RIMS2: variants seen among roughly 807,000 people sequenced by gnomAD.
RIMS2 encodes regulating synaptic membrane exocytosis 2, also known as regulating synaptic membrane exocytosis protein 2.
RIMS2 carries 59 observed loss-of-function variants against 174.4 expected under a neutral mutation model. The observed-to-expected ratio is 0.34, with a 90% CI of 0.27 to 0.42. The LOEUF (loss-of-function observed/expected upper bound fraction) is 0.42, where lower values mean the gene tolerates loss of function less well. Ranked by LOEUF, RIMS2 falls within the 10% of genes least tolerant of loss-of-function variation. The probability of loss-of-function intolerance (pLI) is 1.00; values close to 1 mark genes in which losing one functional copy is unlikely to be tolerated. For synonymous variants in RIMS2, 606 were observed against 572.5 expected, an observed-to-expected ratio of 1.06 and a Z score of -0.84; for missense variants, 1,620 against 1,666.3, an observed-to-expected ratio of 0.97 and a Z score of 0.48.
chr8:103,816,420 A>G lies in RIMS2; in HGVS notation c.698+49883A>G, dbSNP rs186606374. ...ATGAACCGCCTACCCTGTACTAGGC[A>G]CTATGCTAGATGAATGAGACAAGAA... On this transcript the variant is annotated intron_variant, in intron 3 of 23. Transcript: ENST00000504942. Among the ~76,000 whole-genome samples the G allele has an allele frequency of 2.8e-3, 430 of 152,354 alleles. 2 individuals are homozygous for G. Among genetic ancestry groups the G allele is most frequent in the Non-Finnish European group, 4.7e-3 (319 of 68,028 alleles).
chr8:104,018,990 T>A (rs1296334300), intron 19 of RIMS2, among the ~76,000 whole-genome samples: 1 of 152,086 alleles, frequency 6.6e-6, no homozygotes, highest in Non-Finnish European at 1.5e-5. Flanking sequence ...ATTTTAAAAC[T>A]TAAAAGATCC....
Position 103,606,346 on chromosome 8 carries a change from T to C in RIMS2, c.177-90740T>C, listed in dbSNP as rs2095080202. On this transcript the variant is annotated intron_variant, in intron 1 of 23. Transcript: ENST00000504942. ...TTCTTAATCCTGAGTTCTAGTTTGA[T>C]TGCACTGTGGTCTGAGAGATAGTTT... 4.6e-5 allele frequency among the ~76,000 whole-genome samples: 7 copies of C among 151,646 alleles called. No individual in the cohort carries two copies. In the South Asian group the frequency reaches 1.5e-3, roughly 32 times the overall value.
intron 1 of RIMS2, among the ~76,000 whole-genome samples, chr8:103,504,955 G>A (rs1273057694): frequency 6.7e-6 from 1 of 149,320 alleles, no homozygotes. Flanking sequence ...GGGCTCAAGC[G>A]ATTCTCTCAC....
At chr8:103,538,195 C>T (rs1840734140) in intron 1 of RIMS2, among the ~76,000 whole-genome samples, 1 of 152,152 alleles carries the variant, frequency 6.6e-6, no homozygotes, top group African/African-American at 2.4e-5. Context: ...ATACAAAGCC[C>T]TGTTGCTTCT....
intron 3 of RIMS2, among the ~76,000 whole-genome samples, chr8:103,834,332 C>CTTTTTTTTTTTTTTTTTT (rs397892077): frequency 8.4e-6 from 1 of 119,284 alleles, no homozygotes; most frequent in Non-Finnish European, 1.7e-5. Context: ...TTTTCTTTTT[C>CTTTTTTTTTTTTTTTTTT]TTTTTTTTTT....
intron 15 of RIMS2, among the ~76,000 whole-genome samples, chr8:103,974,276 GT>G (rs993736805): frequency 6.6e-6 from 1 of 152,112 alleles, no homozygotes; most frequent in African/African-American, 2.4e-5. Flanking sequence ...ATGAACAGTT[GT>G]TTTTCTGAGT....
chr8:103,865,288 T>TTC (rs2099079424), intron 3 of RIMS2, among the ~76,000 whole-genome samples: 1 of 144,686 alleles, frequency 6.9e-6, no homozygotes, highest in South Asian at 2.2e-4. Context: ...TTTTTTCTTT[T>TTC]TTTTTTTTTT....
intron 1 of RIMS2, among the ~76,000 whole-genome samples, chr8:103,542,188 A>G (rs948609831): frequency 1.3e-5 from 2 of 152,144 alleles, no homozygotes; most frequent in Non-Finnish European, 2.9e-5. Flanking sequence ...AACACAAAAG[A>G]TCATAAAAGT....
At chr8:103,865,284 C>CTTTT (rs67300843) in intron 3 of RIMS2, among the ~76,000 whole-genome samples, 16 of 119,726 alleles carry the variant, frequency 1.3e-4, no homozygotes, top group East Asian at 4.5e-4. Context: ...CAGTTTTTTT[C>CTTTT]TTTTTTTTTT....
intron 1 of RIMS2, among the ~76,000 whole-genome samples, chr8:103,672,437 T>G (rs1158232199): frequency 6.6e-6 from 1 of 151,878 alleles, no homozygotes; most frequent in Non-Finnish European, 1.5e-5. Flanking sequence ...GGCTTTAAAG[T>G]AAACATGGTG....
intron 19 of RIMS2, among the ~76,000 whole-genome samples, chr8:104,026,274 C>A (rs1355059546): frequency 6.6e-6 from 1 of 152,170 alleles, no homozygotes; most frequent in Admixed American, 6.5e-5. Flanking sequence ...ATACTTTTCT[C>A]TAGGCCAGAG....
At position 103,790,771 on chromosome 8, in the gene RIMS2, T is replaced by A. The variant is rs562176515; in HGVS notation, c.698+24234T>A. On this transcript the variant is annotated intron_variant, in intron 3 of 23. Coordinates refer to ENST00000504942, the Ensembl canonical transcript of RIMS2. ...TTGGGGTTATATTTAAAAGGCCCTT[T>A]CTTCTTCACTAAGATTAATACATAT... 4.6e-5 allele frequency among the ~76,000 whole-genome samples: 7 copies of A among 152,366 alleles called. No homozygotes were observed. The East Asian group carries it at 1.2e-3, about 25-fold the overall frequency.
intron 1 of RIMS2, among the ~76,000 whole-genome samples, chr8:103,520,791 C>T (rs923935844): frequency 2.6e-5 from 4 of 152,008 alleles, no homozygotes; most frequent in African/African-American, 9.7e-5. Context: ...TAATTCTCTT[C>T]TGACCATTCT....
At chr8:104,153,862 A>G (rs1377508979) in intron 19 of RIMS2, among the ~76,000 whole-genome samples, 1 of 152,216 alleles carries the variant, frequency 6.6e-6, no homozygotes, top group Non-Finnish European at 1.5e-5. Flanking sequence ...GACATGATCA[A>G]CTGTGTCAGG....
chr8:104,155,778 C>T (rs1168612371), intron 19 of RIMS2, among the ~76,000 whole-genome samples: 3 of 152,174 alleles, frequency 2.0e-5, no homozygotes, highest in South Asian at 2.1e-4. Context: ...AAGATTCTTG[C>T]GATGAAACTG....
At chr8:103,796,927 G>A (rs2098553751) in intron 3 of RIMS2, among the ~76,000 whole-genome samples, 2 of 152,186 alleles carry the variant, frequency 1.3e-5, no homozygotes, top group South Asian at 4.1e-4. Context: ...TGAGGTCCCA[G>A]TGACAAGTGC....
intron 1 of RIMS2, among the ~76,000 whole-genome samples, chr8:103,610,176 G>A (rs2095317307): frequency 6.6e-6 from 1 of 152,080 alleles, no homozygotes; most frequent in Non-Finnish European, 1.5e-5. Flanking sequence ...TTTGTACATT[G>A]ATTTTGTATT....
At chr8:104,037,144 C>A (rs528388511) in intron 19 of RIMS2, among the ~76,000 whole-genome samples, 7 of 152,058 alleles carry the variant, frequency 4.6e-5, no homozygotes, top group African/African-American at 1.7e-4. Flanking sequence ...CATCTGTAAA[C>A]TTGGTAAGCA....
chr8:104,248,933 A>ATT (rs3072636), intron 21 of RIMS2, 120 bp downstream of exon 27: 11,067 of 481,192 alleles, frequency 0.023, 23 homozygotes, highest in East Asian at 0.06. Flanking sequence ...CTCTCCCTCT[A>ATT]TTTTTTTTTT....
Sources: gnomAD v4.1 joint callset for allele counts (sites outside exome capture counted in the v4.1 genomes callset) on GRCh38, gnomAD v4.1.1 for gene constraint, MANE v1.5 for transcripts, NCBI Gene and HGNC (gene_info 2026-07-23, HGNC 2026-07-21) for gene names.